The following CDH8 variants were observed in gnomAD, a reference collection of about 807,000 sequenced individuals.
CDH8 encodes cadherin 8.
In CDH8, 17 loss-of-function variants were observed where a neutral mutation model predicts 68.1. The ratio of observed to expected loss-of-function variants is 0.25; its 90% CI spans 0.17 to 0.37. The LOEUF (loss-of-function observed/expected upper bound fraction) is 0.37. Ranked by LOEUF, CDH8 falls within the 10% of genes least tolerant of loss-of-function variation. The pLI is 1.00. For missense variants in CDH8, 763 were observed against 999.3 expected, an observed-to-expected ratio of 0.76 and a Z score of 3.19; for synonymous variants, 372 against 365.1, an observed-to-expected ratio of 1.02 and a Z score of -0.21.
chr16:61,933,908 T>C (rs1468577167), intron 2 of CDH8, among the ~76,000 whole-genome samples: 1 of 152,174 alleles, frequency 6.6e-6, no homozygotes, highest in African/African-American at 2.4e-5. Flanking sequence ...AATACATGGA[T>C]TTATTTTTCT....
intron 4 of CDH8, among the ~76,000 whole-genome samples, chr16:61,829,889 T>C (rs184060093): frequency 1.6e-4 from 24 of 152,004 alleles, no homozygotes; most frequent in Admixed American, 1.4e-3. Flanking sequence ...TTTTATGCTA[T>C]TTTGTAGCTG....
At chr16:61,752,986 T>C (rs1960208487) in intron 8 of CDH8, among the ~76,000 whole-genome samples, 1 of 152,148 alleles carries the variant, frequency 6.6e-6, no homozygotes, top group South Asian at 2.1e-4. Context: ...TATGTGGAAG[T>C]GCAGAGATAC....
At chr16:61,899,191 A>G (rs1963923500) in intron 3 of CDH8, among the ~76,000 whole-genome samples, 1 of 152,006 alleles carries the variant, frequency 6.6e-6, no homozygotes, top group African/African-American at 2.4e-5. Flanking sequence ...ATGTGTTCTT[A>G]TTGTTCAACT....
At chr16:61,874,106 T>A (rs1191985467) in intron 3 of CDH8, among the ~76,000 whole-genome samples, 1 of 152,004 alleles carries the variant, frequency 6.6e-6, no homozygotes, top group Non-Finnish European at 1.5e-5. Flanking sequence ...TGCCAGATGA[T>A]TTTTGCCCAA....
rs763969712 is a variant in CDH8 at position 61,654,057 on chromosome 16, G to T, written c.1951C>A (p.Pro651Thr). Residue 651 changes from proline to threonine, a missense_variant, in exon 12 of 12, where the codon CCA becomes ACA. This residue lies in a region of CDH8 where 397 missense variants were observed against 436.2 expected (regional missense o/e 0.91). Coordinates refer to ENST00000577390, the MANE Select transcript of CDH8 (RefSeq NM_001796.5). ...TCTTCATCATCTTTGATAATTAATG[G>T]TTCATTTTTATGCCGCCGTAGAGTT... ...FVTLRRHKNE[P>T]LIIKDDEDVR... 1.2e-6 allele frequency: 2 copies of T among 1,613,960 alleles called. No individual in the cohort carries two copies. The highest frequency in any genetic ancestry group is 1.7e-6 in the Non-Finnish European group (2 of 1,179,976).
intron 7 of CDH8, among the ~76,000 whole-genome samples, chr16:61,800,165 A>T (rs1159955613): frequency 1.3e-5 from 2 of 152,196 alleles, no homozygotes; most frequent in Non-Finnish European, 2.9e-5. Flanking sequence ...ATTTATATTC[A>T]AATGATGTGC....
At chr16:61,938,410 C>T (rs1366363396) in intron 2 of CDH8, among the ~76,000 whole-genome samples, 4 of 152,150 alleles carry the variant, frequency 2.6e-5, no homozygotes, top group African/African-American at 7.2e-5. Context: ...ATCCTCACTC[C>T]TGTGGGAATC....
At chr16:61,918,104 C>G (rs1597064017) in intron 2 of CDH8, among the ~76,000 whole-genome samples, 2 of 150,086 alleles carry the variant, frequency 1.3e-5, no homozygotes, top group East Asian at 3.9e-4. Flanking sequence ...TCATTACTCA[C>G]TCTCAGGATT....
intron 10 of CDH8, among the ~76,000 whole-genome samples, chr16:61,686,461 G>C (rs1464165245): frequency 3.3e-5 from 5 of 151,888 alleles, no homozygotes; most frequent in Non-Finnish European, 7.4e-5. Flanking sequence ...TCAGCAGTTG[G>C]TTTGTGTTCA....
chr16:61,697,248 G>T (rs1964344506), intron 10 of CDH8, among the ~76,000 whole-genome samples: 1 of 152,014 alleles, frequency 6.6e-6, no homozygotes, highest in African/African-American at 2.4e-5. Flanking sequence ...ATGTGGGTTG[G>T]TTTTCAGGGT....
chr16:61,812,715 GT>G (rs905800642), intron 7 of CDH8, among the ~76,000 whole-genome samples: 32 of 152,284 alleles, frequency 2.1e-4, no homozygotes, highest in African/African-American at 7.5e-4. Context: ...CAGAGTGTCT[GT>G]CACGAAGTAT....
At chr16:61,925,576 C>T (rs1964443986) in intron 2 of CDH8, among the ~76,000 whole-genome samples, 1 of 152,080 alleles carries the variant, frequency 6.6e-6, no homozygotes, top group Non-Finnish European at 1.5e-5. Flanking sequence ...TTCTATTTTT[C>T]TCCATTAGGC....
intron 10 of CDH8, among the ~76,000 whole-genome samples, chr16:61,685,959 A>T (rs1266593175): frequency 6.6e-6 from 1 of 151,984 alleles, no homozygotes; most frequent in Non-Finnish European, 1.5e-5. Context: ...TCTTTGTCTT[A>T]AATAACTTAA....
chr16:61,886,115 C>T (rs1963668187), intron 3 of CDH8, among the ~76,000 whole-genome samples: 1 of 152,108 alleles, frequency 6.6e-6, no homozygotes, highest in African/African-American at 2.4e-5. Context: ...CAGCTCATTG[C>T]TTTTATCTGT....
intron 7 of CDH8, among the ~76,000 whole-genome samples, chr16:61,810,987 G>A (rs931004762): frequency 7.1e-6 from 1 of 140,936 alleles, no homozygotes; most frequent in African/African-American, 2.7e-5. Context: ...TTGTGCCACT[G>A]TACTCCAGCC....
chr16:61,817,427 CT>C, intron 7 of CDH8, 51 bp downstream of exon 7: 2 of 1,591,444 alleles, frequency 1.3e-6, no homozygotes, highest in Non-Finnish European at 1.7e-6. Flanking sequence ...GCATTTTTCA[CT>C]GATCTGCTTG....
chr16:62,028,689 A>C (rs2150620120), intron 1 of CDH8, among the ~76,000 whole-genome samples: 1 of 151,936 alleles, frequency 6.6e-6, no homozygotes, highest in Non-Finnish European at 1.5e-5. Context: ...TATTGAGAGT[A>C]ATTTTCTTCT....
At chr16:61,961,489 T>A (rs1384983341) in intron 2 of CDH8, among the ~76,000 whole-genome samples, 1 of 152,168 alleles carries the variant, frequency 6.6e-6, no homozygotes, top group African/African-American at 2.4e-5. Flanking sequence ...GTGGTCATGC[T>A]TCCTTGTTCT....
chr16:61,687,506 G>A (rs1280096403), intron 10 of CDH8, among the ~76,000 whole-genome samples: 1 of 151,810 alleles, frequency 6.6e-6, no homozygotes, highest in African/African-American at 2.4e-5. Flanking sequence ...TCAATTTAAT[G>A]GATATTATAA....
Sources: gnomAD v4.1 joint callset for allele counts (sites outside exome capture counted in the v4.1 genomes callset) on GRCh38, gnomAD v4.1.1 for gene constraint, gnomAD v4.1.1 regional missense constraint, MANE v1.5 for transcripts, NCBI Gene and HGNC (gene_info 2026-07-23, HGNC 2026-07-21) for gene names.